The following OR2L13 variants were observed in gnomAD, a reference collection of about 807,000 sequenced individuals.
OR2L13 encodes the protein olfactory receptor 2L13.
Under a neutral mutation model 15.3 loss-of-function variants are expected in OR2L13, and 14 were observed. The observed-to-expected ratio is 0.91, with a 90% CI of 0.60 to 1.43. The LOEUF is 1.43. Among genes scored for constraint, OR2L13 ranks in the 40% most tolerant of loss-of-function variants. OR2L13 has a pLI of 0.00. For missense variants in OR2L13, 367 were observed against 387.9 expected, an observed-to-expected ratio of 0.95 and a Z score of 0.45; for synonymous variants, 152 against 142.9, an observed-to-expected ratio of 1.06 and a Z score of -0.45.
the OR2L13 span, among the ~76,000 whole-genome samples, chr1:248,071,291 C>A: frequency 6.6e-6 from 1 of 152,074 alleles, no homozygotes; most frequent in Non-Finnish European, 1.5e-5. Flanking sequence ...ATCAAGTGGG[C>A]TTCATCCCTG....
the OR2L13 span, among the ~76,000 whole-genome samples, chr1:247,957,792 C>T: frequency 1.3e-5 from 2 of 151,818 alleles, no homozygotes; most frequent in Admixed American, 1.3e-4. Flanking sequence ...GGTGATATAC[C>T]CTTTATCATT....
At chr1:248,073,159 A>C in the OR2L13 span, among the ~76,000 whole-genome samples, 1 of 152,164 alleles carries the variant, frequency 6.6e-6, no homozygotes, top group African/African-American at 2.4e-5. Flanking sequence ...TCATGCTGCT[A>C]TAAAGACACA....
At chr1:247,955,086 T>C in the OR2L13 span, among the ~76,000 whole-genome samples, 1 of 152,048 alleles carries the variant, frequency 6.6e-6, no homozygotes, top group Non-Finnish European at 1.5e-5. Context: ...CTCCTAATGC[T>C]ATCCCTCCCC....
At chr1:248,062,038 T>C in the OR2L13 span, 30,081 of 161,208 alleles carry the variant, frequency 0.19, 3,375 homozygotes, top group African/African-American at 0.31. Flanking sequence ...ACTTGGTGTA[T>C]CTAGTTGAAA....
chr1:247,963,687 GA>G, the OR2L13 span, among the ~76,000 whole-genome samples: 12 of 152,076 alleles, frequency 7.9e-5, no homozygotes, highest in African/African-American at 2.9e-4. Context: ...CATAAAATTA[GA>G]AAAACATTTA....
chr1:247,994,767 C>A, the OR2L13 span, among the ~76,000 whole-genome samples: 2 of 152,096 alleles, frequency 1.3e-5, no homozygotes, highest in South Asian at 4.1e-4. Flanking sequence ...TAAAAAAAAT[C>A]ATAACTATGG....
chr1:247,965,708 A>G, the OR2L13 span: 6 of 1,555,340 alleles, frequency 3.9e-6, no homozygotes, highest in Non-Finnish European at 5.2e-6. Flanking sequence ...GGTGGAACTG[A>G]AGCCCTTCTC....
chr1:248,094,735 T>G (rs1014719559), upstream of OR2L13, among the ~76,000 whole-genome samples: 39 of 152,218 alleles, frequency 2.6e-4, no homozygotes, highest in Non-Finnish European at 2.6e-4. Flanking sequence ...TAATTTAATT[T>G]AGTCACAATC....
At chr1:248,080,609 A>C in the OR2L13 span, among the ~76,000 whole-genome samples, 1 of 152,166 alleles carries the variant, frequency 6.6e-6, no homozygotes. Flanking sequence ...ACGTAAACTC[A>C]TCCTTTCTAA....
chr1:247,979,132 AAC>A, the OR2L13 span, among the ~76,000 whole-genome samples: 12 of 152,218 alleles, frequency 7.9e-5, no homozygotes, highest in African/African-American at 2.6e-4. Context: ...AAGATATAAA[AAC>A]AGTGTACAAT....
chr1:248,076,726 C>A, the OR2L13 span, among the ~76,000 whole-genome samples: 1 of 152,154 alleles, frequency 6.6e-6, no homozygotes, highest in African/African-American at 2.4e-5. Context: ...TGCTTATCAG[C>A]TTAAGGAGTT....
the OR2L13 span, among the ~76,000 whole-genome samples, chr1:248,009,897 C>T: frequency 2.6e-5 from 4 of 152,110 alleles, no homozygotes; most frequent in African/African-American, 9.7e-5. Context: ...ATCGCATAAA[C>T]AGAACTAATG....
the OR2L13 span, chr1:248,063,311 T>A: frequency 6.6e-6 from 1 of 152,282 alleles, no homozygotes; most frequent in Non-Finnish European, 1.5e-5. Flanking sequence ...ATGACTACCG[T>A]TAACGGTAAA....
chr1:248,000,005 G>A, the OR2L13 span, among the ~76,000 whole-genome samples: 6 of 151,990 alleles, frequency 3.9e-5, no homozygotes, highest in Non-Finnish European at 7.4e-5. Flanking sequence ...CCCATAATGA[G>A]TGTCTTGGAT....
the OR2L13 span, among the ~76,000 whole-genome samples, chr1:248,060,236 G>A: frequency 6.6e-6 from 1 of 152,224 alleles, no homozygotes; most frequent in South Asian, 2.1e-4. Context: ...TTGTAATAGA[G>A]ATATCTTTCT....
At chr1:248,018,553 G>T in the OR2L13 span, among the ~76,000 whole-genome samples, 5 of 152,082 alleles carry the variant, frequency 3.3e-5, no homozygotes, top group Admixed American at 6.5e-5. Context: ...CTCTGTAGAG[G>T]CTCAGAAACT....
At chr1:248,057,803 G>A in the OR2L13 span, among the ~76,000 whole-genome samples, 2 of 152,122 alleles carry the variant, frequency 1.3e-5, no homozygotes, top group African/African-American at 2.4e-5. Flanking sequence ...TTCTTTGTTA[G>A]TGTATAGAAT....
the OR2L13 span, among the ~76,000 whole-genome samples, chr1:248,029,533 C>G: frequency 1.3e-5 from 2 of 152,102 alleles, no homozygotes; most frequent in African/African-American, 4.8e-5. Context: ...AGAAAAATCA[C>G]TGTATAATTT....
the OR2L13 span, among the ~76,000 whole-genome samples, chr1:248,074,212 A>G: frequency 6.6e-6 from 1 of 152,126 alleles, no homozygotes; most frequent in Non-Finnish European, 1.5e-5. Context: ...ACCAGTAAGC[A>G]TCTTAGAAGG....
Sources: allele counts gnomAD v4.1 joint callset (sites outside exome capture counted in the v4.1 genomes callset), GRCh38; gene constraint gnomAD v4.1.1; transcripts MANE v1.5; gene names NCBI Gene and HGNC (gene_info 2026-07-23, HGNC 2026-07-21).